KAT6A: variants seen among roughly 807,000 people sequenced by gnomAD.
KAT6A encodes lysine acetyltransferase 6A.
A neutral mutation model predicts 198.4 loss-of-function variants in KAT6A; 9 were observed. That is an observed-to-expected ratio of 0.05 (90% CI 0.03 to 0.08). The LOEUF (loss-of-function observed/expected upper bound fraction) is 0.08, where lower values mean the gene tolerates loss of function less well. Among genes scored for constraint, KAT6A ranks in the 10% least tolerant of loss-of-function variants. The pLI is 1.00. For synonymous variants in KAT6A, 890 were observed against 883.0 expected, an observed-to-expected ratio of 1.01 and a Z score of -0.14; for missense variants, 2,077 against 2,509.9, an observed-to-expected ratio of 0.83 and a Z score of 3.69.
chr8:41,984,829 A>C (rs1824525993), intron 3 of KAT6A, among the ~76,000 whole-genome samples: 1 of 152,006 alleles, frequency 6.6e-6, no homozygotes, highest in East Asian at 1.9e-4. Context: ...TAAAAATACC[A>C]AAAATTAGCC....
At chr8:41,939,064 G>A (rs1173053834) in intron 15 of KAT6A, among the ~76,000 whole-genome samples, 2 of 151,646 alleles carry the variant, frequency 1.3e-5, no homozygotes, top group Non-Finnish European at 2.9e-5. Flanking sequence ...TTAAAAAGCA[G>A]TAGTATTGGA....
chr8:41,957,493 G>A (rs954072025), intron 8 of KAT6A: 4 of 313,862 alleles, frequency 1.3e-5, no homozygotes, highest in African/African-American at 6.6e-5. Flanking sequence ...ACCAAAGTAC[G>A]TTTTCGCTAA....
Position 42,048,985 on chromosome 8 carries a change from G to T in KAT6A, c.-8C>A. 1 of 1,609,786 alleles carries T rather than the reference G, an allele frequency of 6.2e-7. No individual in the cohort carries two copies. ...GTTTGCGAGTTTTACCATGGTGAAG[G>T]ATTCTGTATATCCATAGAGTCGTTA... On this transcript the variant is annotated 5_prime_UTR_variant, in exon 2 of 17. Coordinates refer to ENST00000265713, the MANE Select transcript of KAT6A (RefSeq NM_006766.5).
intron 12 of KAT6A, 94 bp downstream of exon 12, chr8:41,946,487 TATATATACAC>T (rs1362933245): frequency 4.0e-5 from 18 of 448,784 alleles, no homozygotes; most frequent in Non-Finnish European, 5.6e-5. Flanking sequence ...TTTAAATATA[TATATATACAC>T]ACACACACAC....
At position 41,933,425 on chromosome 8, in the gene KAT6A, T is replaced by A. The variant is rs765081782; in HGVS notation, c.4795A>T (p.Thr1599Ser). ...TGAGTGACCACACAGCTGCTCTGGG[T>A]GAGGCTGCTGGAGGACGACAGCCCA... is the stretch of plus-strand genomic sequence containing the variant. ...YGGLSSSSSL[T>S]QSSCVVTQQM... The change falls in exon 17 of 17, where the codon ACC (threonine) becomes TCC (serine). Residue 1599 changes from threonine (T) to serine (S), a missense_variant. This residue lies in a region of KAT6A where 500 missense variants were observed against 577.2 expected (regional missense o/e 0.87). Coordinates refer to ENST00000265713, the MANE Select transcript of KAT6A (RefSeq NM_006766.5). The surrounding 1 kb of genome is among the most constrained non-coding windows in gnomAD (Gnocchi z 6.2). 8 of 1,611,758 alleles carry A rather than the reference T, an allele frequency of 5.0e-6. No homozygotes were observed. Among genetic ancestry groups the A allele is most frequent in the Admixed American group, 3.3e-5 (2 of 59,946 alleles).
At chr8:41,953,778 G>C (rs993041281) in intron 9 of KAT6A, among the ~76,000 whole-genome samples, 1 of 152,138 alleles carries the variant, frequency 6.6e-6, no homozygotes, top group African/African-American at 2.4e-5. Context: ...TTTCTTCTCG[G>C]TCATAAAAGA....
At position 42,023,869 on chromosome 8, in the gene KAT6A, T is replaced by C. The variant is rs186648653; in HGVS notation, c.600+24509A>G. Among the ~76,000 whole-genome samples the C allele has an allele frequency of 2.0e-5, 3 of 151,970 alleles. No individual in the cohort carries two copies. The East Asian group carries it at 5.8e-4, about 29-fold the overall frequency. ...ATTTTCTTTTACTTTTTGTTAAGCATTAAAAAACAAACATTAAACATTAGC... is the reference window on the plus strand; with the variant it reads ...ATTTTCTTTTACTTTTTGTTAAGCACTAAAAAACAAACATTAAACATTAGC... On this transcript the variant is annotated intron_variant, in intron 2 of 16. Transcript: ENST00000265713.
intron 12 of KAT6A, among the ~76,000 whole-genome samples, chr8:41,946,088 G>A (rs1822371595): frequency 6.6e-6 from 1 of 151,844 alleles, no homozygotes; most frequent in African/African-American, 2.4e-5. Flanking sequence ...GTGGCTTTAG[G>A]TTTTATTTAT....
chr8:42,003,598 T>C (rs1479031345), intron 2 of KAT6A, among the ~76,000 whole-genome samples: 1 of 152,074 alleles, frequency 6.6e-6, no homozygotes, highest in African/African-American at 2.4e-5. Context: ...CTGAAGTATC[T>C]AGTGTGGATT....
At chr8:41,970,882 C>T (rs1823757280) in intron 8 of KAT6A, among the ~76,000 whole-genome samples, 1 of 152,176 alleles carries the variant, frequency 6.6e-6, no homozygotes, top group Non-Finnish European at 1.5e-5. Flanking sequence ...CCAGGGAATA[C>T]TATGCAGCCA....
chr8:42,032,006 T>C (rs560810806), intron 2 of KAT6A, among the ~76,000 whole-genome samples: 1 of 151,210 alleles, frequency 6.6e-6, no homozygotes, highest in Admixed American at 6.6e-5. Context: ...CTCAGCTCAC[T>C]GCAAGCTTCA....
intron 2 of KAT6A, among the ~76,000 whole-genome samples, chr8:42,036,448 T>TA (rs1333862949): frequency 1.3e-5 from 2 of 151,932 alleles, no homozygotes; most frequent in East Asian, 1.9e-4. Context: ...CCGTCTCCAC[T>TA]AAAAAAATAC....
chr8:41,977,264 A>T lies in KAT6A; in HGVS notation c.1107T>A (p.Thr369=), dbSNP rs1196948293. The T allele has an allele frequency of 6.2e-7, 1 of 1,614,178 alleles. No individual in the cohort carries two copies. The highest frequency in any genetic ancestry group is 1.7e-5 in the Admixed American group (1 of 60,020). ...GPGRGRKRKI[T]LSSQSASSSS... is the part of the protein sequence containing the mutation. ...ATGATGATGCTGATTGGCTGGAAAG[A>T]GTGATTTTTCGTTTCCTACCCCTTC... The change falls in exon 7 of 17, where the codon ACT becomes ACA. Residue 369 remains threonine, a synonymous_variant. Coordinates refer to ENST00000265713, the MANE Select transcript of KAT6A (RefSeq NM_006766.5).
At position 41,934,418 on chromosome 8, in the gene KAT6A, G is replaced by A. The variant is rs769120352; in HGVS notation, c.3802C>T (p.Pro1268Ser). ...SNSPETETKE[P>S]EVEEEEEKPR... ...TTCTCTTCTTCCTCCTCCACCTCAG[G>A]CTCCTTGGTTTCGGTCTCAGGACTA... The change falls in exon 17 of 17, where the codon CCT (proline) becomes TCT (serine). Residue 1268 changes from proline (P) to serine (S), a missense_variant. Transcript: ENST00000265713. 7.3e-5 allele frequency: 117 copies of A among 1,611,222 alleles called. No homozygotes were observed. The highest frequency in any genetic ancestry group is 9.5e-5 in the Non-Finnish European group (112 of 1,178,656).
chr8:42,001,231 G>C (rs188120498), intron 2 of KAT6A, among the ~76,000 whole-genome samples: 1 of 152,242 alleles, frequency 6.6e-6, no homozygotes, highest in Non-Finnish European at 1.5e-5. Flanking sequence ...CACTCCCAGA[G>C]AATTATTAAG....
chr8:41,982,567 C>T (rs1356001716), intron 3 of KAT6A, among the ~76,000 whole-genome samples: 1 of 152,220 alleles, frequency 6.6e-6, no homozygotes, highest in Admixed American at 6.5e-5. Flanking sequence ...TTAAGCCGCA[C>T]ACTGTTCTGA....
At chr8:42,013,483 T>C (rs1218913149) in intron 2 of KAT6A, among the ~76,000 whole-genome samples, 3 of 152,218 alleles carry the variant, frequency 2.0e-5, no homozygotes, top group African/African-American at 4.8e-5. Flanking sequence ...TCCACCCGCC[T>C]TGGCCTCCCA....
At chr8:42,050,507 T>C (rs1802557072) in intron 1 of KAT6A, among the ~76,000 whole-genome samples, 1 of 151,786 alleles carries the variant, frequency 6.6e-6, no homozygotes, top group South Asian at 2.1e-4. Flanking sequence ...GGAAAACTAA[T>C]ACACACTAGG....
Position 42,048,543 on chromosome 8 carries a change from C to T in KAT6A, c.435G>A (p.Gln145=). ...FGGSAASGFH[Q]QLRLAIKRAI... ...CACGTTTGATAGCCAATCGTAACTG[C>T]TGGTGAAAGCCAGAGGCAGCACTGC... The change falls in exon 2 of 17, where the codon CAG becomes CAA. Residue 145 remains glutamine (Q), a synonymous_variant. Transcript: ENST00000265713. 2 of 1,614,188 alleles carry T rather than the reference C, an allele frequency of 1.2e-6. No homozygotes were observed. The highest frequency in any genetic ancestry group is 1.7e-6 in the Non-Finnish European group (2 of 1,180,030).
Sources: gnomAD v4.1 joint callset for allele counts (sites outside exome capture counted in the v4.1 genomes callset) on GRCh38, gnomAD v4.1.1 for gene constraint, gnomAD v4.1.1 regional missense constraint, Gnocchi (gnomAD v3.1) non-coding constraint, MANE v1.5 for transcripts, NCBI Gene and HGNC (gene_info 2026-07-23, HGNC 2026-07-21) for gene names.